HMGN1: variants seen among roughly 807,000 people sequenced by gnomAD.
HMGN1 encodes high mobility group nucleosome binding domain 1.
A neutral mutation model predicts 18.4 loss-of-function variants in HMGN1; 9 were observed. The observed-to-expected ratio is 0.49, with a 90% CI of 0.29 to 0.85. The LOEUF (loss-of-function observed/expected upper bound fraction) is 0.85. Among genes scored for constraint, HMGN1 ranks in the 40% least tolerant of loss-of-function variants. The pLI, the probability that HMGN1 is intolerant of heterozygous loss-of-function variation, is 0.07. For synonymous variants in HMGN1, 59 were observed against 45.0 expected (o/e 1.31, Z -1.24); for missense variants, 151 against 119.2 (o/e 1.27, Z -1.24).
chr21:39,346,076 A>G (rs1974759360), intron 4 of HMGN1: 3 of 538,630 alleles, frequency 5.6e-6, no homozygotes, highest in South Asian at 5.1e-5. Flanking sequence ...ACTGAGAAGA[A>G]AGCTTAACAT....
chr21:39,347,192 C>T, intron 4 of HMGN1: 1 of 347,052 alleles, frequency 2.9e-6, no homozygotes, highest in Non-Finnish European at 4.7e-6. Flanking sequence ...CAGAGAATTA[C>T]CACATGGTCT....
intron 5 of HMGN1, 138 bp downstream of exon 5, chr21:39,345,008 C>T (rs769554348): frequency 8.5e-5 from 89 of 1,047,774 alleles, no homozygotes; most frequent in Non-Finnish European, 1.1e-4. Flanking sequence ...TGTCCAATCA[C>T]TTTGGGATAC....
chr21:39,345,623 C>T (rs2037023680), intron 4 of HMGN1: 4 of 391,374 alleles, frequency 1.0e-5, no homozygotes, highest in Non-Finnish European at 2.0e-5. Context: ...CCTCATTAGA[C>T]ATATGACAAA....
chr21:39,347,442 C>A, intron 4 of HMGN1: 1 of 1,291,496 alleles, frequency 7.7e-7, no homozygotes, highest in Non-Finnish European at 1.0e-6. Context: ...GGAAATTAAT[C>A]TTGCCTCTTC....
chr21:39,349,039 C>A lies in HMGN1; in HGVS notation c.-122G>T. ...GCTGCCTTGCCGCTGCCACTCCTCCCGCCGCCCGAGCTGCTGAGACCCACA... is the reference window on the plus strand; with the variant it reads ...GCTGCCTTGCCGCTGCCACTCCTCCAGCCGCCCGAGCTGCTGAGACCCACA... On this transcript the variant is annotated 5_prime_UTR_variant, in exon 1 of 6. Coordinates refer to ENST00000380749, the MANE Select transcript of HMGN1 (RefSeq NM_004965.7). The A allele has an allele frequency of 1.8e-6, 2 of 1,102,646 alleles. No individual in the cohort carries two copies. The highest frequency in any genetic ancestry group is 2.3e-6 in the Non-Finnish European group (2 of 883,422). 68.3% of individuals were successfully genotyped at this position (1,102,646 alleles called of 1,614,324 possible).
At chr21:39,344,702 G>C (rs2036982045) in intron 5 of HMGN1, 1 of 154,172 alleles carries the variant, frequency 6.5e-6, no homozygotes, top group Non-Finnish European at 1.4e-5. Context: ...CTGTCTCTAA[G>C]AATAAAGATT....
intron 4 of HMGN1, chr21:39,347,273 G>A (rs2037089122): frequency 1.2e-6 from 1 of 860,490 alleles, no homozygotes; most frequent in Non-Finnish European, 1.5e-6. Context: ...TTTTTAAAAG[G>A]ATCACAAAAA....
chr21:39,345,082 A>G (rs1402676788), intron 5 of HMGN1, 64 bp downstream of exon 5: 6 of 1,445,740 alleles, frequency 4.2e-6, no homozygotes, highest in South Asian at 1.4e-5. Flanking sequence ...TGTACAATTT[A>G]GTATCTACTG....
chr21:39,347,971 GAA>G, intron 4 of HMGN1: 1 of 1,217,558 alleles, frequency 8.2e-7, no homozygotes, highest in Non-Finnish European at 1.0e-6. Context: ...GTCAAAAAAG[GAA>G]GTACAAGCAC....
chr21:39,345,159 G>A lies in HMGN1; in HGVS notation c.242C>T (p.Thr81Met), dbSNP rs547753128. Reference sequence around the variant, plus strand: ...CACACTTCTGACCTCCTCAGTCTTCGTTTCCCCGTTTTCCGCAGGTAAGTC... The same window carrying A: ...CACACTTCTGACCTCCTCAGTCTTCATTTCCCCGTTTTCCGCAGGTAAGTC... ...KEDLPAENGE[T>M]KTEESPASDE... Residue 81 changes from threonine (T) to methionine (M), a missense_variant, in exon 5 of 6, where the codon ACG becomes ATG. Thr to Met is a moderately conservative substitution (Grantham distance 81). Coordinates refer to ENST00000380749, the MANE Select transcript of HMGN1 (RefSeq NM_004965.7). 1.8e-5 allele frequency: 28 copies of A among 1,564,544 alleles called. No homozygotes were observed. The highest frequency in any genetic ancestry group is 5.4e-5 in the Admixed American group (3 of 55,288).
At chr21:39,345,566 G>C (rs2037022163) in intron 4 of HMGN1, 3 of 471,136 alleles carry the variant, frequency 6.4e-6, no homozygotes, top group African/African-American at 2.0e-5. Flanking sequence ...CAGTAATCAG[G>C]AAAACAATGT....
In HMGN1 at chr21:39,343,012, T is replaced by C; in HGVS notation, c.*100A>G. On this transcript the variant is annotated 3_prime_UTR_variant, in exon 6 of 6. Transcript: ENST00000380749. ...TCCTTCTTAAAAATGTTTCTAGAGC[T>C]ACTAAAAAACTTGCATTTACAAAAT... The C allele has an allele frequency of 8.1e-7, 1 of 1,229,356 alleles. No individual in the cohort carries two copies. The highest frequency in any genetic ancestry group is 2.4e-5 in the East Asian group (1 of 42,058). 76.2% of individuals were successfully genotyped at this position (1,229,356 alleles called of 1,614,324 possible).
intron 5 of HMGN1, 22 bp from the exon 6 acceptor site, chr21:39,343,181 G>C (rs767078523): frequency 1.9e-6 from 3 of 1,584,650 alleles, no homozygotes; most frequent in East Asian, 4.5e-5. Context: ...AGGAAATTGA[G>C]ATCTTTAGCA....
At chr21:39,348,160 C>T (rs762032861) in intron 4 of HMGN1, 132 bp downstream of exon 4, 111 of 1,240,520 alleles carry the variant, frequency 8.9e-5, no homozygotes, top group Non-Finnish European at 1.2e-4. Context: ...GCCTCGACCA[C>T]TAGAAAAATT....
In HMGN1 at chr21:39,345,768, T is replaced by C. The variant is rs529993768; in HGVS notation, c.127-494A>G. 68 of 1,251,610 alleles carry C rather than the reference T, an allele frequency of 5.4e-5. No individual in the cohort carries two copies. The African/African-American group carries it at 9.8e-4, about 18-fold the overall frequency. The allele number at this position is 1,251,610 out of a possible 1,614,324, so 77.5% of individuals were successfully genotyped here. On this transcript the variant is annotated intron_variant, in intron 4 of 5. Transcript: ENST00000380749. ...CCGTATTCCCACCCATCCCCAAATT[T>C]GTTGTGAACTTCAACAATACTGTCC...
chr21:39,345,409 C>T, intron 4 of HMGN1, 135 bp from the exon 5 acceptor site: 1 of 762,264 alleles, frequency 1.3e-6, no homozygotes, highest in Non-Finnish European at 2.1e-6. Context: ...GAGAGAGGGA[C>T]ATCTCACACA....
chr21:39,344,224 C>A (rs567141688), intron 5 of HMGN1, among the ~76,000 whole-genome samples: 1 of 140,490 alleles, frequency 7.1e-6, no homozygotes, highest in East Asian at 2.0e-4. Flanking sequence ...CCACTGCACT[C>A]CAGCTTGGGC....
In HMGN1 at chr21:39,349,084, C is replaced by G. The variant is rs1347488291; in HGVS notation, c.-167G>C. The G allele has an allele frequency of 4.1e-6, 3 of 726,054 alleles. No homozygotes were observed. Among genetic ancestry groups the G allele is most frequent in the Non-Finnish European group, 5.5e-6 (3 of 543,652 alleles). 45.0% of individuals were successfully genotyped at this position (726,054 alleles called of 1,614,324 possible). ...CCCACAGCGGGGGCGGTGGGAGAAC[C>G]GGATGGAACCGGATTGGGAGCCCGC... On this transcript the variant is annotated 5_prime_UTR_variant, in exon 1 of 6. Coordinates refer to ENST00000380749, the MANE Select transcript of HMGN1 (RefSeq NM_004965.7).
rs200739109 is a variant in HMGN1, at chr21:39,348,536, C to T, written c.48+9G>A. ...AACCCACCACCCCCCGCAGAAGGCC[C>T]GCACTCACCTCTTCCTTGGCGGCGC... On this transcript the variant is annotated intron_variant, in intron 2 of 5. Transcript: ENST00000380749. The T allele has an allele frequency of 8.2e-4, 1,324 of 1,613,720 alleles. 2 individuals carry two copies. The highest frequency in any genetic ancestry group is 9.3e-4 in the Non-Finnish European group (1,094 of 1,179,814).
Sources: allele counts gnomAD v4.1 joint callset (sites outside exome capture counted in the v4.1 genomes callset), GRCh38; gene constraint gnomAD v4.1.1; transcripts MANE v1.5; gene names NCBI Gene and HGNC (gene_info 2026-07-23, HGNC 2026-07-21).